The following PGCKA1 variants were observed in gnomAD, a reference collection of about 807,000 sequenced individuals.
PGCKA1 encodes PDCD10 and GCKIII kinases associated 1.
the PGCKA1 span, among the ~76,000 whole-genome samples, chr4:37,485,281 C>G: frequency 6.6e-6 from 1 of 152,134 alleles, no homozygotes; most frequent in Non-Finnish European, 1.5e-5. Flanking sequence ...GACACTTAAT[C>G]CCCAGAGCCA....
the PGCKA1 span, among the ~76,000 whole-genome samples, chr4:37,511,969 C>T: frequency 2.6e-5 from 4 of 152,330 alleles, no homozygotes; most frequent in Middle Eastern, 3.4e-3. Context: ...CCTCTGTAGC[C>T]GGGCATCAGC....
chr4:37,477,691 C>A, the PGCKA1 span, among the ~76,000 whole-genome samples: 1 of 152,260 alleles, frequency 6.6e-6, no homozygotes, highest in East Asian at 1.9e-4. Flanking sequence ...GATATGCCAA[C>A]CAATCCCTAG....
chr4:37,546,326 G>A, the PGCKA1 span, among the ~76,000 whole-genome samples: 9 of 152,310 alleles, frequency 5.9e-5, no homozygotes, highest in Non-Finnish European at 8.8e-5. Context: ...GGCCTGCCTG[G>A]CCTAAACCTG....
the PGCKA1 span, among the ~76,000 whole-genome samples, chr4:37,531,399 C>T: frequency 6.6e-6 from 1 of 152,074 alleles, no homozygotes; most frequent in African/African-American, 2.4e-5. Flanking sequence ...CTTAGAGTCA[C>T]TGTTAATTGG....
At chr4:37,581,421 T>C in the PGCKA1 span, among the ~76,000 whole-genome samples, 1 of 152,160 alleles carries the variant, frequency 6.6e-6, no homozygotes, top group Admixed American at 6.5e-5. The surrounding 1 kb of genome is among the most constrained non-coding windows in gnomAD (Gnocchi z 4.4). Flanking sequence ...TTCCTGCTGG[T>C]TATTCAGGGC....
At chr4:37,529,028 A>G in the PGCKA1 span, among the ~76,000 whole-genome samples, 3 of 152,230 alleles carry the variant, frequency 2.0e-5, no homozygotes, top group African/African-American at 7.2e-5. Context: ...TTAACAACTT[A>G]ACAATATTTG....
the PGCKA1 span, among the ~76,000 whole-genome samples, chr4:37,534,172 C>A: frequency 6.6e-6 from 1 of 152,084 alleles, no homozygotes; most frequent in African/African-American, 2.4e-5. Flanking sequence ...AAGAAAGATA[C>A]AATTTAAATC....
the PGCKA1 span, chr4:37,589,009 C>A: frequency 1.3e-6 from 1 of 748,424 alleles, no homozygotes; most frequent in Non-Finnish European, 2.4e-6. Flanking sequence ...GGGGCATGAT[C>A]AACATTGCCA....
chr4:37,548,484 A>T, the PGCKA1 span, among the ~76,000 whole-genome samples: 1 of 152,132 alleles, frequency 6.6e-6, no homozygotes, highest in Admixed American at 6.5e-5. Flanking sequence ...TTAAAGGAAA[A>T]ATGCAACAGG....
chr4:37,461,544 AGGAGCTTT>A, the PGCKA1 span, among the ~76,000 whole-genome samples: 2 of 151,912 alleles, frequency 1.3e-5, no homozygotes, highest in African/African-American at 2.4e-5. Flanking sequence ...ATGAGGGTGG[AGGAGCTTT>A]CTAGGCAGGG....
the PGCKA1 span, among the ~76,000 whole-genome samples, chr4:37,471,052 A>C: frequency 6.6e-6 from 1 of 152,212 alleles, no homozygotes; most frequent in Admixed American, 6.5e-5. Flanking sequence ...ATTGAATTCT[A>C]TACTCCCACA....
At chr4:37,464,901 G>C in the PGCKA1 span, among the ~76,000 whole-genome samples, 134 of 152,276 alleles carry the variant, frequency 8.8e-4, no homozygotes, top group African/African-American at 3.0e-3. Flanking sequence ...TTTGAGGAAA[G>C]GAAGCAACAG....
chr4:37,584,709 G>A, the PGCKA1 span, among the ~76,000 whole-genome samples: 16,506 of 152,128 alleles, frequency 0.11, 1,403 homozygotes, highest in East Asian at 0.46. Flanking sequence ...CGGGGATGGA[G>A]GGTGCCCCAG....
the PGCKA1 span, among the ~76,000 whole-genome samples, chr4:37,486,782 C>G: frequency 6.6e-6 from 1 of 152,192 alleles, no homozygotes; most frequent in Non-Finnish European, 1.5e-5. Context: ...ATCCCCAAAA[C>G]ATACACATGC....
At chr4:37,568,152 G>A in the PGCKA1 span, among the ~76,000 whole-genome samples, 2 of 152,182 alleles carry the variant, frequency 1.3e-5, no homozygotes, top group Non-Finnish European at 2.9e-5. Flanking sequence ...GGCCGGCAAG[G>A]CCAGCCTTGG....
chr4:37,547,645 G>A, the PGCKA1 span, among the ~76,000 whole-genome samples: 13 of 152,224 alleles, frequency 8.5e-5, no homozygotes, highest in African/African-American at 2.9e-4. Flanking sequence ...TGTAAGCCAA[G>A]GCACCCAGAC....
chr4:37,563,605 GA>G, the PGCKA1 span, among the ~76,000 whole-genome samples: 1 of 152,222 alleles, frequency 6.6e-6, no homozygotes, highest in East Asian at 1.9e-4. Context: ...GAATTTGGGG[GA>G]AGACACAATT....
At chr4:37,522,801 G>T in the PGCKA1 span, among the ~76,000 whole-genome samples, 4 of 151,990 alleles carry the variant, frequency 2.6e-5, no homozygotes, top group Middle Eastern at 3.2e-3. Context: ...TGGAACAGGG[G>T]CCTCAGGACT....
the PGCKA1 span, among the ~76,000 whole-genome samples, chr4:37,481,998 A>G: frequency 1.3e-5 from 2 of 152,126 alleles, no homozygotes; most frequent in Admixed American, 1.3e-4. Context: ...GGAAATGTTT[A>G]CTTTCCTTTC....
Sources: allele counts gnomAD v4.1 joint callset (sites outside exome capture counted in the v4.1 genomes callset), GRCh38; gene constraint gnomAD v4.1.1; non-coding constraint Gnocchi (gnomAD v3.1); transcripts MANE v1.5; gene names NCBI Gene and HGNC (gene_info 2026-07-23, HGNC 2026-07-21).